Variants in GBP7 observed in about 807,000 individuals in gnomAD.
GBP7 encodes guanylate-binding protein 7.
Under a neutral mutation model 61.3 loss-of-function variants are expected in GBP7, and 43 were observed. That is an observed-to-expected ratio of 0.70 (90% CI 0.55 to 0.91). GBP7 has a LOEUF of 0.91. GBP7 is among the 40% of genes least tolerant of loss of function. The probability of loss-of-function intolerance (pLI) is 0.00; values close to 1 mark genes in which losing one functional copy is unlikely to be tolerated. For synonymous variants in GBP7, 267 were observed against 271.0 expected (o/e 0.99, Z 0.14); for missense variants, 717 against 740.5 (o/e 0.97, Z 0.37).
intron 2 of GBP7, among the ~76,000 whole-genome samples, chr1:89,166,019 C>A (rs886750486): frequency 1.8e-4 from 27 of 152,160 alleles, no homozygotes; most frequent in African/African-American, 6.3e-4. Context: ...CACTGAATCT[C>A]CTTGTGCCTT....
rs1040462971 is a variant in GBP7 at position 89,162,739 on chromosome 1, T to G, written c.318+1992A>C. 6.6e-5 allele frequency among the ~76,000 whole-genome samples: 10 copies of G among 152,218 alleles called. 1 individual carries two copies. ...GAGTTTGACTTCCTCTTTTCCTGTT[T>G]GGATGCCCTTTATTGCTTTCTCTTG... On this transcript the variant is annotated intron_variant, in intron 3 of 10. Transcript: ENST00000294671.
At chr1:89,156,024 C>T (rs1340780369) in intron 3 of GBP7, among the ~76,000 whole-genome samples, 1 of 152,216 alleles carries the variant, frequency 6.6e-6, no homozygotes, top group Non-Finnish European at 1.5e-5. Flanking sequence ...AGAAACTCTA[C>T]AAGCCAGAAG....
intron 3 of GBP7, 115 bp from the exon 4 acceptor site, chr1:89,152,892 CTG>C: frequency 1.4e-6 from 1 of 707,798 alleles, no homozygotes. Flanking sequence ...TCCCAAAATG[CTG>C]TGTCTAAAGG....
intron 9 of GBP7, among the ~76,000 whole-genome samples, chr1:89,136,443 A>C (rs907517664): frequency 6.6e-5 from 10 of 152,076 alleles, no homozygotes; most frequent in South Asian, 4.1e-4. Context: ...TAAAAAAAAA[A>C]CCCAAATCAT....
chr1:89,139,070 G>GA (rs1570341140), intron 9 of GBP7, among the ~76,000 whole-genome samples: 2 of 152,066 alleles, frequency 1.3e-5, no homozygotes, highest in South Asian at 4.1e-4. Context: ...GCAAGCATAT[G>GA]AAAAAATGCT....
At chr1:89,153,549 A>C (rs1682250423) in intron 3 of GBP7, among the ~76,000 whole-genome samples, 1 of 152,214 alleles carries the variant, frequency 6.6e-6, no homozygotes, top group Admixed American at 6.5e-5. Context: ...TAATCAATTG[A>C]ATTCACCAAA....
rs531338675 is a variant in GBP7, at chr1:89,160,531, T to C, written c.318+4200A>G. On this transcript the variant is annotated intron_variant, in intron 3 of 10. Coordinates refer to ENST00000294671, the MANE Select transcript of GBP7 (RefSeq NM_207398.3). ...AGTTTCTTGACCTCTCTCTACTCAG[T>C]GTCCTTATCTGTCGAGTAGGGATAA... 2.0e-5 allele frequency among the ~76,000 whole-genome samples: 3 copies of C among 152,266 alleles called. No individual in the cohort carries two copies. The South Asian group carries it at 6.2e-4, about 32-fold the overall frequency.
At chr1:89,154,424 A>G (rs139812372) in intron 3 of GBP7, among the ~76,000 whole-genome samples, 2,506 of 152,132 alleles carry the variant, frequency 0.016, 63 homozygotes, top group African/African-American at 0.056. Flanking sequence ...TGCAAACACT[A>G]CAACCTCCAC....
intron 3 of GBP7, among the ~76,000 whole-genome samples, chr1:89,154,429 C>G (rs964124267): frequency 6.6e-6 from 1 of 152,150 alleles, no homozygotes; most frequent in African/African-American, 2.4e-5. Context: ...ACACTACAAC[C>G]TCCACCTTCT....
chr1:89,132,749 G>C (rs1473194834), intron 10 of GBP7, among the ~76,000 whole-genome samples: 1 of 152,184 alleles, frequency 6.6e-6, no homozygotes, highest in Non-Finnish European at 1.5e-5. Flanking sequence ...GGGGACTGCT[G>C]ACCCTGTATA....
chr1:89,137,822 A>G (rs1681841522), intron 9 of GBP7, among the ~76,000 whole-genome samples: 1 of 152,138 alleles, frequency 6.6e-6, no homozygotes, highest in Admixed American at 6.5e-5. Context: ...CAAAGGGGAA[A>G]AAAAAAGTTA....
chr1:89,140,050 C>T (rs1257419608), intron 9 of GBP7, among the ~76,000 whole-genome samples: 1 of 151,952 alleles, frequency 6.6e-6, no homozygotes, highest in Non-Finnish European at 1.5e-5. Context: ...CCCAAATGTC[C>T]AACAACGATA....
rs371484330 is a variant in GBP7 at position 89,140,616 on chromosome 1, C to G, written c.1468+930G>C. On this transcript the variant is annotated intron_variant, in intron 9 of 10. Coordinates refer to ENST00000294671, the MANE Select transcript of GBP7 (RefSeq NM_207398.3). ...CTGCTGGTGGGCTTGTAAATTAGTT[C>G]AGCCACTGTGGAAAGCAGTTTGGAG... Among the ~76,000 whole-genome samples the G allele has an allele frequency of 1.5e-4, 23 of 152,248 alleles. No individual in the cohort carries two copies. The South Asian group carries it at 4.4e-3, about 29-fold the overall frequency.
chr1:89,163,540 T>C (rs1380490334), intron 3 of GBP7, among the ~76,000 whole-genome samples: 1 of 151,528 alleles, frequency 6.6e-6, no homozygotes, highest in East Asian at 1.9e-4. Flanking sequence ...GTGTAGATTG[T>C]CTAGTTTATG....
At chr1:89,137,877 A>G in intron 9 of GBP7, among the ~76,000 whole-genome samples, 1 of 152,134 alleles carries the variant, frequency 6.6e-6, no homozygotes, top group East Asian at 1.9e-4. Flanking sequence ...TTCATAGACA[A>G]TAGAATTCTG....
chr1:89,173,694 A>C (rs1015340241), intron 1 of GBP7, among the ~76,000 whole-genome samples: 12 of 152,144 alleles, frequency 7.9e-5, no homozygotes, highest in African/African-American at 2.9e-4. Flanking sequence ...TAAAACAGTT[A>C]GTTACATTTG....
rs1557459633 is a variant in GBP7 at position 89,152,772 on chromosome 1, G to T, written c.324C>A (p.Asp108Glu). 1.3e-6 allele frequency: 2 copies of T among 1,590,046 alleles called. No homozygotes were observed. The highest frequency in any genetic ancestry group is 1.7e-5 in the Admixed American group (1 of 57,764). ...TEGLGDMEKS[D>E]PKSDSWIFAL... ...CAAAGATCCACGAGTCACTCTTAGG[G>T]TCACTCTAGTGTTAAAGAAAAAAAA... Residue 108 changes from aspartate to glutamate, a missense_variant, in exon 4 of 11, where the codon GAC (aspartate) becomes GAA (glutamate). By Grantham distance (45) the Asp-to-Glu change is conservative. Coordinates refer to ENST00000294671, the MANE Select transcript of GBP7 (RefSeq NM_207398.3).
At chr1:89,168,978 A>C (rs971601546) in intron 2 of GBP7, among the ~76,000 whole-genome samples, 1 of 76,590 alleles carries the variant, frequency 1.3e-5, no homozygotes, top group Non-Finnish European at 2.7e-5. Flanking sequence ...TCAAGTTAAA[A>C]AAAAAACAAA....
intron 9 of GBP7, among the ~76,000 whole-genome samples, chr1:89,139,533 T>C (rs1455206164): frequency 6.6e-6 from 1 of 152,182 alleles, no homozygotes; most frequent in Non-Finnish European, 1.5e-5. Flanking sequence ...AGAAAATTTT[T>C]GCAACCTACT....
Sources: allele counts gnomAD v4.1 joint callset (sites outside exome capture counted in the v4.1 genomes callset), GRCh38; gene constraint gnomAD v4.1.1; transcripts MANE v1.5; gene names NCBI Gene and HGNC (gene_info 2026-07-23, HGNC 2026-07-21).